The following ADAMTS9 variants were observed in gnomAD, a reference collection of about 807,000 sequenced individuals.
The protein encoded by ADAMTS9 is A disintegrin and metalloproteinase with thrombospondin motifs 9.
ADAMTS9 carries 107 observed loss-of-function variants against 257.1 expected under a neutral mutation model. The observed-to-expected ratio is 0.42, with a 90% CI of 0.36 to 0.49. ADAMTS9 has a LOEUF of 0.49. Ranked by LOEUF, ADAMTS9 falls within the 20% of genes least tolerant of loss-of-function variation. The probability of loss-of-function intolerance (pLI) is 0.03; values close to 1 mark genes in which losing one functional copy is unlikely to be tolerated. For missense variants in ADAMTS9, 2,353 were observed against 2,469.1 expected, an observed-to-expected ratio of 0.95 and a Z score of 1.00; for synonymous variants, 982 against 880.9, an observed-to-expected ratio of 1.11 and a Z score of -2.03.
intron 29 of ADAMTS9, among the ~76,000 whole-genome samples, chr3:64,564,299 G>A (rs989724902): frequency 3.9e-5 from 6 of 152,078 alleles, no homozygotes; most frequent in African/African-American, 1.4e-4. Context: ...ACTTAAAAGG[G>A]GAACTTGATG....
intron 16 of ADAMTS9, among the ~76,000 whole-genome samples, chr3:64,623,829 G>A (rs1482386276): frequency 1.3e-5 from 2 of 152,168 alleles, no homozygotes; most frequent in Non-Finnish European, 2.9e-5. Context: ...TTCTGAAAGA[G>A]CACATGGCAG....
intron 22 of ADAMTS9, among the ~76,000 whole-genome samples, chr3:64,609,220 G>GGAT (rs2106827562): frequency 6.6e-6 from 1 of 152,190 alleles, no homozygotes; most frequent in African/African-American, 2.4e-5. Context: ...AACATGACAA[G>GGAT]GATGCCCGCT....
chr3:64,662,186 G>A (rs1355281500), intron 3 of ADAMTS9, among the ~76,000 whole-genome samples: 1 of 151,994 alleles, frequency 6.6e-6, no homozygotes, highest in African/African-American at 2.4e-5. Context: ...TTAGGAGTGT[G>A]CTGTTTAATT....
chr3:64,633,355 A>T lies in ADAMTS9; in HGVS notation c.2175+117T>A, dbSNP rs898152647. On this transcript the variant is annotated intron_variant, in intron 14 of 39. Transcript: ENST00000498707. ...GCTGATCCCGGGGCCACACTTTGAG[A>T]ACCACTGCCCTGGCAACAGTGCACA... is the stretch of plus-strand genomic sequence containing the variant. 6.2e-6 allele frequency: 9 copies of T among 1,458,450 alleles called. No individual in the cohort carries two copies. In the African/African-American group the frequency reaches 1.1e-4, roughly 18 times the overall value. 90.3% of individuals were successfully genotyped at this position (1,458,450 alleles called of 1,614,324 possible). A position where few individuals can be genotyped will look rare whatever the true frequency, so the allele number is the denominator to read the frequency against.
chr3:64,538,044 T>C (rs1025671175), intron 37 of ADAMTS9, among the ~76,000 whole-genome samples: 4 of 152,212 alleles, frequency 2.6e-5, no homozygotes, highest in Non-Finnish European at 5.9e-5. Context: ...CAGAAGATGA[T>C]GAATTTGCAC....
intron 32 of ADAMTS9, among the ~76,000 whole-genome samples, chr3:64,543,485 T>C (rs971571911): frequency 4.3e-4 from 66 of 152,280 alleles, no homozygotes; most frequent in Admixed American, 1.2e-3. Context: ...ATAAACGTAA[T>C]CCATCATACG....
Position 64,580,187 on chromosome 3 carries a change from G to C in ADAMTS9, c.4357-11652C>G, listed in dbSNP as rs2083960697. 2.0e-5 allele frequency among the ~76,000 whole-genome samples: 3 copies of C among 152,126 alleles called. No homozygotes were observed. The South Asian group carries it at 6.2e-4, about 32-fold the overall frequency. The stretch of plus-strand genomic sequence containing the variant: ...CAAGAATGGGTTTTATCCAGGCCAG[G>C]TATTTTCTTTCTTTTGGCTGGAAAC... On this transcript the variant is annotated intron_variant, in intron 28 of 39. Transcript: ENST00000498707.
At chr3:64,535,612 C>T (rs556591060) in intron 37 of ADAMTS9, among the ~76,000 whole-genome samples, 4 of 141,664 alleles carry the variant, frequency 2.8e-5, no homozygotes, top group South Asian at 2.2e-4. Context: ...GGAGTGCAGT[C>T]GCATAATTTT....
chr3:64,593,961 ATGTGTGTGTGTGTG>A (rs200112357), intron 28 of ADAMTS9, among the ~76,000 whole-genome samples: 16 of 108,262 alleles, frequency 1.5e-4, no homozygotes, highest in Non-Finnish European at 1.3e-4. Flanking sequence ...TGTGTGTATG[ATGTGTGTGTGTGTG>A]TGTGTGTGTG....
chr3:64,541,258 G>A, intron 35 of ADAMTS9, 30 bp from the exon 36 acceptor site: 5 of 1,614,132 alleles, frequency 3.1e-6, no homozygotes, highest in Admixed American at 1.7e-5. Context: ...TTCTGGTAAG[G>A]ATGGGAAAGC....
At chr3:64,557,056 G>C (rs1357427496) in intron 30 of ADAMTS9, among the ~76,000 whole-genome samples, 1 of 152,188 alleles carries the variant, frequency 6.6e-6, no homozygotes, top group Admixed American at 6.5e-5. Context: ...TGTGTTGTGA[G>C]AGCTGAGTGG....
chr3:64,548,742 T>C (rs7650582), intron 31 of ADAMTS9, among the ~76,000 whole-genome samples: 97,779 of 152,060 alleles, frequency 0.64, 35,925 homozygotes, highest in Non-Finnish European at 0.85. Context: ...ATTGTGAAAA[T>C]GTTGACTGCT....
At chr3:64,568,239 C>T in intron 29 of ADAMTS9, 129 bp downstream of exon 29, 3 of 924,392 alleles carry the variant, frequency 3.2e-6, no homozygotes, top group Non-Finnish European at 4.7e-6. Context: ...GGTAATGATT[C>T]TCCCCTCCCA....
At chr3:64,670,321 G>A (rs1701456611) in intron 3 of ADAMTS9, among the ~76,000 whole-genome samples, 1 of 152,238 alleles carries the variant, frequency 6.6e-6, no homozygotes, top group Admixed American at 6.5e-5. Context: ...GACATGGAGA[G>A]TTGTGTTTCT....
intron 38 of ADAMTS9, among the ~76,000 whole-genome samples, chr3:64,524,398 A>G (rs1055443043): frequency 6.6e-6 from 1 of 152,240 alleles, no homozygotes; most frequent in Non-Finnish European, 1.5e-5. Context: ...GGTTATGGAC[A>G]GATATCAGTG....
chr3:64,651,704 G>T (rs1444809707), intron 8 of ADAMTS9, among the ~76,000 whole-genome samples: 1 of 152,134 alleles, frequency 6.6e-6, no homozygotes, highest in Non-Finnish European at 1.5e-5. Context: ...GGCATGCAAA[G>T]TTTGTGCACA....
intron 31 of ADAMTS9, 29 bp downstream of exon 31, chr3:64,550,863 G>T: frequency 6.2e-7 from 1 of 1,612,592 alleles, no homozygotes; most frequent in Non-Finnish European, 8.5e-7. Flanking sequence ...TGGCTGAGCT[G>T]ACGATGGTTA....
At chr3:64,681,444 T>C in intron 2 of ADAMTS9, 81 bp from the exon 3 acceptor site, 1 of 1,427,974 alleles carries the variant, frequency 7.0e-7, no homozygotes, top group East Asian at 2.4e-5. Flanking sequence ...CATTTTCAAG[T>C]AGAGATGGTG....
At chr3:64,557,286 T>G (rs1439980289) in intron 30 of ADAMTS9, among the ~76,000 whole-genome samples, 1 of 152,188 alleles carries the variant, frequency 6.6e-6, no homozygotes, top group African/African-American at 2.4e-5. Context: ...TCCTCAATGC[T>G]GCAGATGCAT....
Sources: gnomAD v4.1 joint callset for allele counts (sites outside exome capture counted in the v4.1 genomes callset) on GRCh38, gnomAD v4.1.1 for gene constraint, MANE v1.5 for transcripts, NCBI Gene and HGNC (gene_info 2026-07-23, HGNC 2026-07-21) for gene names.